Variants in COL27A1 observed in about 807,000 individuals in gnomAD.
COL27A1 encodes collagen alpha-1(XXVII) chain.
A neutral mutation model predicts 251.3 loss-of-function variants in COL27A1; 106 were observed. That is an observed-to-expected ratio of 0.42 (90% CI 0.36 to 0.50). The LOEUF (loss-of-function observed/expected upper bound fraction) is 0.50. Ranked by LOEUF, COL27A1 falls within the 20% of genes least tolerant of loss-of-function variation. The pLI is 0.00. For missense variants in COL27A1, 2,325 were observed against 2,522.8 expected (o/e 0.92, Z 1.68); for synonymous variants, 1,000 against 986.3 (o/e 1.01, Z -0.26).
Position 114,183,026 on chromosome 9 carries a change from C to T in COL27A1, c.1967C>T (p.Pro656Leu), listed in dbSNP as rs763236031. 1 of 1,613,788 alleles carries T rather than the reference C, an allele frequency of 6.2e-7. No homozygotes were observed. Among genetic ancestry groups the T allele is most frequent in the Non-Finnish European group, 8.5e-7 (1 of 1,179,948 alleles). Residue 656 changes from proline (P) to leucine (L), a missense_variant, in exon 5 of 61, where the codon CCT becomes CTT. Pro to Leu is a moderately conservative substitution (Grantham distance 98, BLOSUM62 -3). This residue lies in a region of COL27A1 where 1,183 missense variants were observed against 1,144.1 expected (regional missense o/e 1.03). Transcript: ENST00000356083. ...GIPGARGPRG[P>L]PGPYGNPGLP... ...TTTGTTCCTTGTCTCTTTCAGGGTCCTCCTGGGCCTTATGGAAATCCAGGT... is the reference window on the plus strand; with the variant it reads ...TTTGTTCCTTGTCTCTTTCAGGGTCTTCCTGGGCCTTATGGAAATCCAGGT...
rs78932767 is a variant in COL27A1 at position 114,207,075 on chromosome 9, C to T, written c.2268+779C>T. Among the ~76,000 whole-genome samples the T allele has an allele frequency of 1.7e-4, 26 of 152,322 alleles. No homozygotes were observed. The East Asian group carries it at 4.3e-3, about 25-fold the overall frequency. ...CCCAGCTTACACTGCACGCCTAAGG[C>T]GGATCTGGGATGGGGACCCAAGTCT... is the stretch of plus-strand genomic sequence containing the variant. On this transcript the variant is annotated intron_variant, in intron 10 of 60. Coordinates refer to ENST00000356083, the MANE Select transcript of COL27A1 (RefSeq NM_032888.4).
intron 34 of COL27A1, 80 bp downstream of exon 34, chr9:114,267,637 GA>G: frequency 7.7e-7 from 1 of 1,300,524 alleles, no homozygotes; most frequent in Non-Finnish European, 1.1e-6. Flanking sequence ...CCATGGAAGA[GA>G]AATGGGCCTT....
At chr9:114,187,967 C>A (rs1485576076) in intron 5 of COL27A1, among the ~76,000 whole-genome samples, 1 of 152,186 alleles carries the variant, frequency 6.6e-6, no homozygotes, top group Non-Finnish European at 1.5e-5. Flanking sequence ...AAGTTTGAAT[C>A]CTGGCTCTAC....
At chr9:114,163,537 T>C (rs1295126524) in intron 2 of COL27A1, among the ~76,000 whole-genome samples, 1 of 152,222 alleles carries the variant, frequency 6.6e-6, no homozygotes, top group Non-Finnish European at 1.5e-5. Flanking sequence ...AGCGATGGGC[T>C]GGCTTCACAT....
At chr9:114,176,668 C>T (rs1411187380) in intron 3 of COL27A1, among the ~76,000 whole-genome samples, 1 of 152,150 alleles carries the variant, frequency 6.6e-6, no homozygotes, top group Non-Finnish European at 1.5e-5. Flanking sequence ...ACCAGACAAC[C>T]CCTCTACCCA....
At chr9:114,300,775 C>T (rs999019720) in intron 51 of COL27A1, 88 bp downstream of exon 51, 3 of 1,137,872 alleles carry the variant, frequency 2.6e-6, no homozygotes, top group South Asian at 1.7e-5. Context: ...TCATCCTCCT[C>T]TTGCTCCTTG....
chr9:114,193,001 G>A (rs1305824792), intron 5 of COL27A1, among the ~76,000 whole-genome samples: 2 of 151,446 alleles, frequency 1.3e-5, no homozygotes, highest in South Asian at 4.1e-4. Flanking sequence ...GCTGGCGTGT[G>A]TTTGTGTGTG....
intron 2 of COL27A1, among the ~76,000 whole-genome samples, chr9:114,165,641 CATCCATTT>C (rs1270133925): frequency 1.2e-4 from 17 of 138,050 alleles, no homozygotes; most frequent in Non-Finnish European, 1.7e-4. Flanking sequence ...TCCATTTATC[CATCCATTT>C]ATCCATCCAT....
intron 28 of COL27A1, among the ~76,000 whole-genome samples, chr9:114,259,103 T>C (rs746830898): frequency 6.6e-6 from 1 of 152,148 alleles, no homozygotes; most frequent in South Asian, 2.1e-4. Flanking sequence ...GGAAGGACTT[T>C]AGGAGAGGGC....
At chr9:114,307,447 C>T (rs1010126584) in intron 58 of COL27A1, 4 of 556,434 alleles carry the variant, frequency 7.2e-6, no homozygotes, top group African/African-American at 1.9e-5. Context: ...TAGGCAAGTA[C>T]TTAGCCATGT....
chr9:114,193,292 C>T (rs1165790011), intron 5 of COL27A1, among the ~76,000 whole-genome samples: 6 of 152,244 alleles, frequency 3.9e-5, no homozygotes, highest in Non-Finnish European at 5.9e-5. Flanking sequence ...GGAGAGGAGC[C>T]GCAGCCAGGA....
rs77686058 is a variant in COL27A1, at chr9:114,231,617, G to T, written c.2521-205G>T. 6.5e-3 allele frequency among the ~76,000 whole-genome samples: 994 copies of T among 152,322 alleles called. 11 individuals carry two copies. Among genetic ancestry groups the T allele is most frequent in the African/African-American group, 0.022 (932 of 41,580 alleles). The stretch of plus-strand genomic sequence containing the variant: ...TTCTTCCTCTGGATTTGCCTGCAGT[G>T]CTGTGGTGCACTGCCTCTCTCACAG... On this transcript the variant is annotated intron_variant, in intron 15 of 60. Transcript: ENST00000356083.
intron 5 of COL27A1, among the ~76,000 whole-genome samples, chr9:114,188,222 A>T (rs1292311647): frequency 6.6e-6 from 1 of 152,260 alleles, no homozygotes; most frequent in Non-Finnish European, 1.5e-5. Flanking sequence ...ATTAAGAGGC[A>T]GAGTATGCAG....
chr9:114,284,612 TG>T, intron 40 of COL27A1, 111 bp from the exon 41 acceptor site: 1 of 1,068,586 alleles, frequency 9.4e-7, no homozygotes, highest in Non-Finnish European at 1.5e-6. Flanking sequence ...CACAGCCAGC[TG>T]GGGCAGAGCT....
In COL27A1 at chr9:114,290,326, C is replaced by A. The variant is rs552013873; in HGVS notation, c.4363C>A (p.Gln1455Lys). ...GLPGRDGQAG[Q>K]QGEQGDDGDP... ...TCCTGGCAGGGACGGGCAAGCAGGACAGCAGGTGAGCGGGAATTGGCATTA... is the reference window on the plus strand; with the variant it reads ...TCCTGGCAGGGACGGGCAAGCAGGAAAGCAGGTGAGCGGGAATTGGCATTA... Residue 1455 changes from glutamine (Q) to lysine (K), a missense_variant, in exon 47 of 61, where the codon CAG becomes AAG. Coordinates refer to ENST00000356083, the MANE Select transcript of COL27A1 (RefSeq NM_032888.4). The surrounding 1 kb of genome is among the most constrained non-coding windows in gnomAD (Gnocchi z 4.6). The A allele has an allele frequency of 1.9e-6, 3 of 1,575,482 alleles. No individual in the cohort carries two copies. In the South Asian group the frequency reaches 3.5e-5, roughly 18 times the overall value.
At chr9:114,223,028 G>C (rs1324986864) in intron 14 of COL27A1, among the ~76,000 whole-genome samples, 4 of 152,110 alleles carry the variant, frequency 2.6e-5, no homozygotes, top group African/African-American at 9.7e-5. Flanking sequence ...GGTGGGAGGC[G>C]ATCTGACCTG....
At chr9:114,230,266 G>A (rs1831846784) in intron 14 of COL27A1, among the ~76,000 whole-genome samples, 1 of 152,140 alleles carries the variant, frequency 6.6e-6, no homozygotes, top group Admixed American at 6.5e-5. Context: ...TGCCCCTGGG[G>A]AGAGAGACAG....
At chr9:114,238,087 C>A (rs1246219869) in intron 19 of COL27A1, among the ~76,000 whole-genome samples, 1 of 152,236 alleles carries the variant, frequency 6.6e-6, no homozygotes, top group Non-Finnish European at 1.5e-5. Flanking sequence ...TAGCCACCCA[C>A]AGCCACTCTG....
chr9:114,287,509 C>A lies in COL27A1; in HGVS notation c.3988-946C>A, dbSNP rs148897974. On this transcript the variant is annotated intron_variant, in intron 41 of 60. Transcript: ENST00000356083. ...CACCTCTAAACTCTGTTCCGCCCCCCCCACCCCAGTCTCTGGCCATGTCTA... is the reference window on the plus strand; with the variant it reads ...CACCTCTAAACTCTGTTCCGCCCCCACCACCCCAGTCTCTGGCCATGTCTA... 8.1e-4 allele frequency among the ~76,000 whole-genome samples: 123 copies of A among 152,314 alleles called. 3 individuals carry two copies. The East Asian group carries it at 0.019, about 23-fold the overall frequency.
Sources: gnomAD v4.1 joint callset for allele counts (sites outside exome capture counted in the v4.1 genomes callset) on GRCh38, gnomAD v4.1.1 for gene constraint, gnomAD v4.1.1 regional missense constraint, Gnocchi (gnomAD v3.1) non-coding constraint, MANE v1.5 for transcripts, NCBI Gene and HGNC (gene_info 2026-07-23, HGNC 2026-07-21) for gene names.